Variants in MAF observed in about 807,000 individuals in gnomAD.
MAF encodes MAF bZIP transcription factor.
MAF carries 10 observed loss-of-function variants against 22.0 expected under a neutral mutation model. The ratio of observed to expected loss-of-function variants is 0.45; its 90% CI spans 0.28 to 0.77. MAF has a LOEUF of 0.77. Among genes scored for constraint, MAF ranks in the 30% least tolerant of loss-of-function variants. MAF has a pLI of 0.12. For missense variants in MAF, 544 were observed against 548.4 expected (o/e 0.99, Z 0.08); for synonymous variants, 337 against 255.8 (o/e 1.32, Z -3.03).
chr16:79,405,084 T>C, the MAF span, among the ~76,000 whole-genome samples: 2 of 152,176 alleles, frequency 1.3e-5, no homozygotes, highest in Non-Finnish European at 2.9e-5. Context: ...GGTGACACTT[T>C]GGACTCAATG....
chr16:79,429,426 G>A, the MAF span, among the ~76,000 whole-genome samples: 1 of 152,258 alleles, frequency 6.6e-6, no homozygotes, highest in Non-Finnish European at 1.5e-5. Flanking sequence ...CTGTCCCTTG[G>A]CAGGAGACCT....
chr16:79,485,983 C>G, the MAF span, among the ~76,000 whole-genome samples: 7 of 152,190 alleles, frequency 4.6e-5, no homozygotes, highest in Non-Finnish European at 1.0e-4. Context: ...AAAATCTGGA[C>G]CACTGTGGAT....
chr16:79,252,752 A>T, the MAF span, among the ~76,000 whole-genome samples: 2 of 152,112 alleles, frequency 1.3e-5, no homozygotes, highest in African/African-American at 4.8e-5. Context: ...AGGCTCCCAA[A>T]GTGCTGGGAT....
At chr16:79,254,878 T>C in the MAF span, among the ~76,000 whole-genome samples, 11 of 152,334 alleles carry the variant, frequency 7.2e-5, no homozygotes, top group East Asian at 2.1e-3. Flanking sequence ...TCTGAGTTCG[T>C]CAACTTGTCT....
the MAF span, among the ~76,000 whole-genome samples, chr16:79,496,395 T>C: frequency 2.0e-3 from 299 of 152,308 alleles, no homozygotes; most frequent in Admixed American, 3.8e-3. Flanking sequence ...TGGCATTGAC[T>C]AGCAAAATCA....
At chr16:79,517,568 C>CTTTTTTTTTTTTTTTTTTTTTTTTTTT in the MAF span, among the ~76,000 whole-genome samples, 1 of 99,796 alleles carries the variant, frequency 1.0e-5, no homozygotes, top group Non-Finnish European at 2.0e-5. Flanking sequence ...ACTGTTTAGT[C>CTTTTTTTTTTTTTTTTTTTTTTTTTTT]TTTTTTTTTT....
the MAF span, among the ~76,000 whole-genome samples, chr16:79,567,889 T>C: frequency 6.6e-6 from 1 of 152,242 alleles, no homozygotes; most frequent in African/African-American, 2.4e-5. Flanking sequence ...AGGTGAATTT[T>C]CTCCTGCGTC....
the MAF span, among the ~76,000 whole-genome samples, chr16:79,553,655 A>C: frequency 3.3e-5 from 5 of 152,246 alleles, no homozygotes; most frequent in African/African-American, 1.2e-4. Flanking sequence ...AAGAAAGCCC[A>C]GGGGAAGGCT....
At chr16:79,240,785 T>C in the MAF span, among the ~76,000 whole-genome samples, 1 of 151,868 alleles carries the variant, frequency 6.6e-6, no homozygotes, top group East Asian at 1.9e-4. Flanking sequence ...GGACACCTCA[T>C]ACAAGAGAGC....
the MAF span, among the ~76,000 whole-genome samples, chr16:79,484,279 C>G: frequency 6.6e-6 from 1 of 152,322 alleles, no homozygotes; most frequent in East Asian, 1.9e-4. Context: ...GATGACGAGG[C>G]TGGCGTGACA....
chr16:79,212,245 T>A, the MAF span: 1 of 1,337,558 alleles, frequency 7.5e-7, no homozygotes, highest in Non-Finnish European at 9.9e-7. Context: ...GCTGCATTGA[T>A]CCAGGAGATA....
chr16:79,461,915 C>A, the MAF span, among the ~76,000 whole-genome samples: 4 of 152,086 alleles, frequency 2.6e-5, no homozygotes, highest in Non-Finnish European at 5.9e-5. Flanking sequence ...TGTTTTTTAA[C>A]CCTGTCTAAT....
intron 1 of MAF, chr16:79,598,416 T>G: frequency 8.3e-7 from 1 of 1,199,982 alleles, no homozygotes; most frequent in Non-Finnish European, 1.0e-6. Flanking sequence ...GCTGAGATCA[T>G]TGAACATTGT....
the MAF span, among the ~76,000 whole-genome samples, chr16:79,567,115 C>T: frequency 3.3e-5 from 5 of 152,142 alleles, no homozygotes; most frequent in African/African-American, 7.2e-5. Flanking sequence ...GTCAGGAGTT[C>T]GAGACCAGCC....
chr16:79,421,028 G>C, the MAF span, among the ~76,000 whole-genome samples: 1 of 146,970 alleles, frequency 6.8e-6, no homozygotes, highest in East Asian at 2.0e-4. Flanking sequence ...GCGAGACTCT[G>C]TCTCAAAAAG....
the MAF span, among the ~76,000 whole-genome samples, chr16:79,551,336 T>C: frequency 1.3e-5 from 2 of 152,178 alleles, no homozygotes; most frequent in East Asian, 1.9e-4. Context: ...GGTTCCCTTG[T>C]AGCCATTCTC....
the MAF span, among the ~76,000 whole-genome samples, chr16:79,273,522 C>T: frequency 2.0e-5 from 3 of 152,314 alleles, no homozygotes; most frequent in South Asian, 6.2e-4. Context: ...ATCAAGGTGT[C>T]TGCCAGGCTG....
the MAF span, among the ~76,000 whole-genome samples, chr16:79,567,644 C>G: frequency 3.3e-5 from 5 of 152,220 alleles, no homozygotes; most frequent in Admixed American, 3.3e-4. Flanking sequence ...AGCATGGCCT[C>G]TCCCCACTGG....
At chr16:79,210,920 C>T in the MAF span, among the ~76,000 whole-genome samples, 1 of 152,124 alleles carries the variant, frequency 6.6e-6, no homozygotes, top group African/African-American at 2.4e-5. Flanking sequence ...TACCCCCTTA[C>T]CTGTGGTCCC....
Sources: allele counts gnomAD v4.1 joint callset (sites outside exome capture counted in the v4.1 genomes callset), GRCh38; gene constraint gnomAD v4.1.1; transcripts MANE v1.5; gene names NCBI Gene and HGNC (gene_info 2026-07-23, HGNC 2026-07-21).